The following SKIC2 variants were observed in gnomAD, a reference collection of about 807,000 sequenced individuals.
SKIC2 encodes the protein superkiller complex protein 2.
chr6:31,959,613 T>G, the SKIC2 span: 1 of 561,528 alleles, frequency 1.8e-6, no homozygotes, highest in Non-Finnish European at 3.1e-6. Context: ...CTTTGAGAGC[T>G]GCTCTTTCAA....
At chr6:31,968,716 CAGA>C in the SKIC2 span, 20 of 1,612,756 alleles carry the variant, frequency 1.2e-5, no homozygotes, top group Non-Finnish European at 1.5e-5. This position sits in a 1 kb window ranked among gnomAD's most constrained non-coding sequence, Gnocchi z 6.1. Context: ...AATGCAGATA[CAGA>C]AGGAGATGGA....
At chr6:31,959,355 G>C in the SKIC2 span, 1 of 1,613,882 alleles carries the variant, frequency 6.2e-7, no homozygotes, top group African/African-American at 1.3e-5. Flanking sequence ...TCGGATGCAC[G>C]GGGCACTGGG....
chr6:31,961,166 C>T, the SKIC2 span: 2 of 1,612,096 alleles, frequency 1.2e-6, no homozygotes, highest in South Asian at 1.1e-5. Context: ...ATGGACATGA[C>T]AAGGTTGACC....
chr6:31,960,117 C>A, the SKIC2 span: 1 of 1,612,276 alleles, frequency 6.2e-7, no homozygotes, highest in Non-Finnish European at 8.5e-7. Flanking sequence ...AGCACTCAGC[C>A]CGGTGAGGAG....
the SKIC2 span, chr6:31,962,035 G>A: frequency 7.4e-6 from 12 of 1,612,860 alleles, no homozygotes; most frequent in Middle Eastern, 1.6e-4. The surrounding 1 kb of genome is among the most constrained non-coding windows in gnomAD (Gnocchi z 5.0). Context: ...CATTGCCCTG[G>A]CCCAGAAACA....
At chr6:31,969,026 C>T in the SKIC2 span, 3 of 1,612,672 alleles carry the variant, frequency 1.9e-6, no homozygotes, top group South Asian at 1.1e-5. This position sits in a 1 kb window ranked among gnomAD's most constrained non-coding sequence, Gnocchi z 6.1. Context: ...CTGCCTTGCT[C>T]TCTGGCCTGG....
At chr6:31,960,862 T>TCATGGACA in the SKIC2 span, 1 of 919,104 alleles carries the variant, frequency 1.1e-6, no homozygotes, top group Non-Finnish European at 1.7e-6. Context: ...TAACAACCTT[T>TCATGGACA]ACTGTCATCT....
the SKIC2 span, chr6:31,963,869 A>G: frequency 1.3e-6 from 2 of 1,554,736 alleles, no homozygotes; most frequent in Admixed American, 1.7e-5. The surrounding 1 kb of genome is among the most constrained non-coding windows in gnomAD (Gnocchi z 5.3). Flanking sequence ...TCATTGGTTC[A>G]GGAACTCAAC....
chr6:31,959,773 C>T, the SKIC2 span: 1 of 570,842 alleles, frequency 1.8e-6, no homozygotes, highest in Non-Finnish European at 3.1e-6. Flanking sequence ...CAGTGTGCTT[C>T]ATGATTAGCC....
At chr6:31,963,205 T>TG in the SKIC2 span, 8 of 834,006 alleles carry the variant, frequency 9.6e-6, no homozygotes, top group South Asian at 1.3e-4. The surrounding 1 kb of genome is among the most constrained non-coding windows in gnomAD (Gnocchi z 5.3). Context: ...GGGGTGATGC[T>TG]GGGGAACATG....
At chr6:31,966,570 G>C in the SKIC2 span, 21 of 774,696 alleles carry the variant, frequency 2.7e-5, no homozygotes, top group Non-Finnish European at 4.3e-5. This position sits in a 1 kb window ranked among gnomAD's most constrained non-coding sequence, Gnocchi z 5.9. Context: ...TTACAGAAGA[G>C]GTGAGCAAGT....
At chr6:31,962,937 AG>A in the SKIC2 span, 8 of 1,459,524 alleles carry the variant, frequency 5.5e-6, no homozygotes, top group Non-Finnish European at 7.7e-6. The surrounding 1 kb of genome is among the most constrained non-coding windows in gnomAD (Gnocchi z 5.0). Flanking sequence ...TATGGGCAGA[AG>A]GGCGGCCCCT....
chr6:31,968,788 C>T, the SKIC2 span: 2 of 1,609,542 alleles, frequency 1.2e-6, no homozygotes, highest in Non-Finnish European at 1.7e-6. This position sits in a 1 kb window ranked among gnomAD's most constrained non-coding sequence, Gnocchi z 6.1. Flanking sequence ...GTACCATCAG[C>T]GAGTAGAGGT....
At chr6:31,960,645 G>C in the SKIC2 span, 1 of 1,589,190 alleles carries the variant, frequency 6.3e-7, no homozygotes, top group Non-Finnish European at 8.6e-7. Flanking sequence ...ATGAATCCCT[G>C]TCTGTCCTGT....
chr6:31,961,830 C>T, the SKIC2 span: 20 of 1,576,480 alleles, frequency 1.3e-5, no homozygotes, highest in South Asian at 7.8e-5. Flanking sequence ...TTCATCCGCC[C>T]GCCCTGCGTG....
the SKIC2 span, chr6:31,967,274 G>A: frequency 3.7e-6 from 6 of 1,612,902 alleles, no homozygotes; most frequent in South Asian, 2.2e-5. The surrounding 1 kb of genome is among the most constrained non-coding windows in gnomAD (Gnocchi z 4.9). Flanking sequence ...GCTCTTCAGC[G>A]ACGCATCATG....
the SKIC2 span, chr6:31,962,868 C>CCA: frequency 7.4e-7 from 1 of 1,344,144 alleles, no homozygotes. This position sits in a 1 kb window ranked among gnomAD's most constrained non-coding sequence, Gnocchi z 5.0. Flanking sequence ...CTCCCTTATT[C>CCA]CACACACTCA....
the SKIC2 span, chr6:31,968,572 G>A: frequency 3.1e-6 from 5 of 1,587,372 alleles, no homozygotes; most frequent in Admixed American, 8.4e-5. This position sits in a 1 kb window ranked among gnomAD's most constrained non-coding sequence, Gnocchi z 6.1. Context: ...CAAGCTGGGA[G>A]TAGGGGCTTT....
chr6:31,968,750 C>G, the SKIC2 span: 1 of 1,612,768 alleles, frequency 6.2e-7, no homozygotes, highest in Admixed American at 1.7e-5. This position sits in a 1 kb window ranked among gnomAD's most constrained non-coding sequence, Gnocchi z 6.1. Context: ...TTCCTACTGT[C>G]GGATCAGTCA....
Sources: allele counts gnomAD v4.1 joint callset, GRCh38; gene constraint gnomAD v4.1.1; non-coding constraint Gnocchi (gnomAD v3.1); transcripts MANE v1.5; gene names NCBI Gene and HGNC (gene_info 2026-07-23, HGNC 2026-07-21).